ITFG2: variants seen among roughly 807,000 people sequenced by gnomAD.
ITFG2 encodes integrin alpha FG-GAP repeat containing 2, also known as KICSTOR complex protein ITFG2.
ITFG2 carries 36 observed loss-of-function variants against 54.4 expected under a neutral mutation model. The ratio of observed to expected loss-of-function variants is 0.66; its 90% CI spans 0.51 to 0.87. The LOEUF is 0.87. Among genes scored for constraint, ITFG2 ranks in the 40% least tolerant of loss-of-function variants. The probability of loss-of-function intolerance (pLI) is 0.00; values close to 1 mark genes in which losing one functional copy is unlikely to be tolerated. For missense variants in ITFG2, 524 were observed against 576.7 expected, an observed-to-expected ratio of 0.91 and a Z score of 0.94; for synonymous variants, 211 against 225.4, an observed-to-expected ratio of 0.94 and a Z score of 0.57.
At chr12:2,858,668 G>C in intron 3 of ITFG2, 1 of 1,614,134 alleles carries the variant, frequency 6.2e-7, no homozygotes. Context: ...ACTGGGACCA[G>C]TTGATGTTGT....
At position 2,824,692 on chromosome 12, in the gene ITFG2, C is replaced by T; in HGVS notation, c.*499C>T. On this transcript the variant is annotated 3_prime_UTR_variant, in exon 12 of 12. Coordinates refer to ENST00000228799, the MANE Select transcript of ITFG2 (RefSeq NM_018463.4). The stretch of plus-strand genomic sequence containing the variant: ...TGTTTTGTTTTGAAGGATCTTTCTA[C>T]AGTCTGGTCTTACCCATGTTCCTAG... The T allele has an allele frequency of 5.6e-6, 1 of 179,156 alleles. No homozygotes were observed. Among genetic ancestry groups the T allele is most frequent in the South Asian group, 1.2e-4 (1 of 8,290 alleles). 11.1% of individuals were successfully genotyped at this position (179,156 alleles called of 1,614,324 possible).
At chr12:2,857,674 A>G (rs1393756368) in intron 2 of ITFG2, 2 of 153,228 alleles carry the variant, frequency 1.3e-5, no homozygotes, top group Admixed American at 6.5e-5. Context: ...TAAACCACAG[A>G]GCCCAGCATG....
chr12:2,840,026 G>T (rs753654903), intron 1 of ITFG2, among the ~76,000 whole-genome samples: 16 of 150,484 alleles, frequency 1.1e-4, no homozygotes, highest in Non-Finnish European at 2.1e-4. Flanking sequence ...TGAGTGACAG[G>T]ATCAAGAGAA....
chr12:2,822,542 G>A (rs563105718), intron 9 of ITFG2, among the ~76,000 whole-genome samples: 2 of 152,168 alleles, frequency 1.3e-5, no homozygotes, highest in African/African-American at 2.4e-5. Context: ...GCAGACCTGG[G>A]TTTGAATCCT....
chr12:2,835,159 A>ATGTGTGTGTGTGTGTG (rs375198605), upstream of ITFG2: 38 of 1,127,550 alleles, frequency 3.4e-5, 2 homozygotes, highest in East Asian at 4.7e-4. Flanking sequence ...GATGGGGCGT[A>ATGTGTGTGTGTGTGTG]TGTGTGTGTG....
downstream of ITFG2, chr12:2,827,877 A>T (rs957090523): frequency 6.2e-7 from 1 of 1,612,540 alleles, no homozygotes; most frequent in Non-Finnish European, 8.5e-7. This position sits in a 1 kb window ranked among gnomAD's most constrained non-coding sequence, Gnocchi z 4.0. Flanking sequence ...CCCACCCCAA[A>T]GAGAAAGGTG....
In ITFG2 at chr12:2,823,831, G is replaced by A; in HGVS notation, c.1128G>A (p.Gln376=). 1 of 1,609,966 alleles carries A rather than the reference G, an allele frequency of 6.2e-7. No individual in the cohort carries two copies. The highest frequency in any genetic ancestry group is 8.5e-7 in the Non-Finnish European group (1 of 1,177,668). The stretch of plus-strand genomic sequence containing the variant: ...GCCTCGTATATGTCACTTTCAACCA[G>A]AAGATCTATGTGTACTGGGAGGTGC... ...SPCLVYVTFN[Q]KIYVYWEVQL... is the part of the protein sequence containing the mutation. The change falls in exon 11 of 12, where the codon CAG becomes CAA. Residue 376 remains glutamine, a synonymous_variant. Transcript: ENST00000228799.
upstream of ITFG2, chr12:2,834,929 T>G (rs2098021142): frequency 6.2e-7 from 1 of 1,610,340 alleles, no homozygotes; most frequent in East Asian, 2.2e-5. Context: ...GTGCTGCAGC[T>G]CTCTTTCCAA....
rs761620739 is a variant in ITFG2 at position 2,818,172 on chromosome 12, T to G, written c.301T>G (p.Leu101Val). The G allele has an allele frequency of 6.2e-7, 1 of 1,613,982 alleles. No individual in the cohort carries two copies. Among genetic ancestry groups the G allele is most frequent in the African/African-American group, 1.3e-5 (1 of 74,890 alleles). ...HLFDLTPAKV[L>V]DASGHHETLI... ...GTTTGACCTGACACCTGCCAAGGTG[T>G]TGGATGCTTCTGGGCACCACGAGAC... is the stretch of plus-strand genomic sequence containing the variant. Residue 101 changes from leucine to valine, a missense_variant, in exon 4 of 12, where the codon TTG becomes GTG. Physicochemically the swap from Leu to Val is conservative, Grantham distance 32. Transcript: ENST00000228799.
At chr12:2,834,497 G>A, upstream of ITFG2, 8 of 1,176,732 alleles carry the variant, frequency 6.8e-6, no homozygotes, top group South Asian at 1.5e-4. Flanking sequence ...GCCTTGAGTT[G>A]GCAGGATGAC....
chr12:2,834,633 A>G, upstream of ITFG2: 1 of 1,572,974 alleles, frequency 6.4e-7, no homozygotes, highest in South Asian at 1.2e-5. Flanking sequence ...GGGAGGGGTG[A>G]TGCCTCACCA....
chr12:2,831,460 T>G (rs2098002415), downstream of ITFG2, among the ~76,000 whole-genome samples: 1 of 152,072 alleles, frequency 6.6e-6, no homozygotes, highest in Non-Finnish European at 1.5e-5. Flanking sequence ...GGCATGTGCC[T>G]GTAGTCCCAG....
intron 2 of ITFG2, chr12:2,857,409 C>G (rs2098091094): frequency 3.6e-6 from 1 of 279,000 alleles, no homozygotes; most frequent in East Asian, 7.7e-5. Context: ...TAAGAACCCT[C>G]AAAAGGCCTA....
chr12:2,815,841 A>G (rs1439404359), intron 1 of ITFG2, among the ~76,000 whole-genome samples: 3 of 152,074 alleles, frequency 2.0e-5, no homozygotes, highest in South Asian at 2.1e-4. Context: ...CTGGGAAACT[A>G]TGGTTGTGTT....
At chr12:2,847,663 C>CAAA (rs76285511) in intron 2 of ITFG2, among the ~76,000 whole-genome samples, 1 of 83,104 alleles carries the variant, frequency 1.2e-5, no homozygotes, top group Non-Finnish European at 2.8e-5. Flanking sequence ...TAAGACTGTC[C>CAAA]AAAAAAAAAA....
rs1180591933 is a variant in ITFG2, at chr12:2,812,851, G to A, written c.91G>A (p.Asp31Asn). 6.2e-7 allele frequency: 1 copy of A among 1,610,484 alleles called. No individual in the cohort carries two copies. The highest frequency in any genetic ancestry group is 1.7e-5 in the Admixed American group (1 of 59,996). The change falls in exon 1 of 12, where the codon GAT (aspartate) becomes AAT (asparagine). Residue 31 changes from aspartate to asparagine, a missense_variant. Physicochemically the swap from Asp to Asn is conservative, Grantham distance 23. Coordinates refer to ENST00000228799, the MANE Select transcript of ITFG2 (RefSeq NM_018463.4). ...HAICLGDVDN[D>N]TLNELVVGDT... is the part of the protein sequence containing the mutation. ...AATCTGCCTCGGAGACGTTGATAAC[G>A]ATACGGTAGGTGCATGCGCACCGCA...
chr12:2,819,158 G>A (rs1437071383), intron 4 of ITFG2, among the ~76,000 whole-genome samples: 2 of 151,842 alleles, frequency 1.3e-5, no homozygotes, highest in Admixed American at 6.6e-5. Flanking sequence ...GTGAAACCCC[G>A]TCTCCAGTAA....
chr12:2,812,890 A>G lies in ITFG2; in HGVS notation c.96+34A>G, dbSNP rs1021805394. The G allele has an allele frequency of 4.5e-6, 7 of 1,570,788 alleles. No homozygotes were observed. In the African/African-American group the frequency reaches 8.1e-5, roughly 18 times the overall value. Reference sequence around the variant, plus strand: ...ATGCGCACCGCAAGAGACAGCCTGGATCTGTGCAGGGACGGGGCAAGGGAA... The same window carrying G: ...ATGCGCACCGCAAGAGACAGCCTGGGTCTGTGCAGGGACGGGGCAAGGGAA... On this transcript the variant is annotated intron_variant, in intron 1 of 11. Transcript: ENST00000228799.
chr12:2,827,111 T>C, downstream of ITFG2: 14 of 1,580,644 alleles, frequency 8.9e-6, no homozygotes, highest in Non-Finnish European at 1.2e-5. The surrounding 1 kb of genome is among the most constrained non-coding windows in gnomAD (Gnocchi z 4.0). Context: ...GCAGACACCA[T>C]AGTCCCCAGC....
Sources: gnomAD v4.1 joint callset for allele counts (sites outside exome capture counted in the v4.1 genomes callset) on GRCh38, gnomAD v4.1.1 for gene constraint, Gnocchi (gnomAD v3.1) non-coding constraint, MANE v1.5 for transcripts, NCBI Gene and HGNC (gene_info 2026-07-23, HGNC 2026-07-21) for gene names.